Variants in FSIP1 observed in about 807,000 individuals in gnomAD.
FSIP1 encodes fibrous sheath interacting protein 1, also known as fibrous sheath-interacting protein 1.
A neutral mutation model predicts 60.9 loss-of-function variants in FSIP1; 65 were observed. That is an observed-to-expected ratio of 1.07 (90% confidence interval 0.87 to 1.31). The LOEUF (loss-of-function observed/expected upper bound fraction) is 1.31. Ranked by LOEUF, FSIP1 falls within the 40% of genes most tolerant of loss-of-function variation. The probability of loss-of-function intolerance (pLI) is 0.00; values close to 1 mark genes in which losing one functional copy is unlikely to be tolerated. For missense variants in FSIP1, 675 were observed against 665.5 expected (o/e 1.01, Z -0.16); for synonymous variants, 209 against 221.2 (o/e 0.94, Z 0.49).
chr15:39,770,384 C>T, intron 3 of FSIP1, 43 bp downstream of exon 3: 3 of 1,343,638 alleles, frequency 2.2e-6, no homozygotes, highest in Non-Finnish European at 3.0e-6. Context: ...TAATCATTAA[C>T]ATTTGTAATT....
intron 10 of FSIP1, among the ~76,000 whole-genome samples, chr15:39,694,710 A>G (rs2631715): frequency 0.82 from 123,781 of 151,860 alleles, 50,894 homozygotes; most frequent in Non-Finnish European, 0.87. Context: ...CGAGGCAGGA[A>G]AATCGCTTAA....
intron 2 of FSIP1, among the ~76,000 whole-genome samples, chr15:39,774,376 G>A (rs1040200746): frequency 6.6e-5 from 10 of 151,974 alleles, no homozygotes; most frequent in Non-Finnish European, 8.8e-5. Flanking sequence ...CCGGCTATTC[G>A]GGAGGCTGAC....
At chr15:39,701,586 A>G (rs1004663317) in intron 10 of FSIP1, among the ~76,000 whole-genome samples, 7 of 152,222 alleles carry the variant, frequency 4.6e-5, no homozygotes, top group Non-Finnish European at 8.8e-5. Flanking sequence ...GGATCAAGGA[A>G]GGTCTAACTC....
At chr15:39,776,570 G>A (rs370273261) in intron 1 of FSIP1, 39 bp from the exon 2 acceptor site, 181 of 1,505,230 alleles carry the variant, frequency 1.2e-4, no homozygotes, top group Middle Eastern at 1.8e-4. Flanking sequence ...CAAGCGACTC[G>A]GATATTTAAA....
intron 9 of FSIP1, among the ~76,000 whole-genome samples, chr15:39,718,873 C>A (rs77555977): frequency 0.02 from 3,017 of 152,262 alleles, 35 homozygotes; most frequent in Non-Finnish European, 0.028. Context: ...GAGGTATACA[C>A]CCGAAGGTTG....
intron 7 of FSIP1, among the ~76,000 whole-genome samples, 168 bp downstream of exon 7, chr15:39,739,497 A>G (rs974841064): frequency 6.6e-6 from 1 of 152,226 alleles, no homozygotes; most frequent in African/African-American, 2.4e-5. Flanking sequence ...GAACATAGAA[A>G]TAATGAAGTA....
chr15:39,606,215 A>G (rs1283029803), intron 11 of FSIP1, among the ~76,000 whole-genome samples: 2 of 152,252 alleles, frequency 1.3e-5, no homozygotes, highest in South Asian at 2.1e-4. Context: ...TGGAACATTC[A>G]ATGGTAAAAC....
chr15:39,765,148 A>ACTGCCACT (rs142030728), intron 4 of FSIP1, among the ~76,000 whole-genome samples: 1 of 150,712 alleles, frequency 6.6e-6, no homozygotes, highest in Non-Finnish European at 1.5e-5. Context: ...TATACATACC[A>ACTGCCACT]CTGCCACTAC....
Position 39,660,176 on chromosome 15 carries a change from C to T in FSIP1, c.1189-41931G>A, listed in dbSNP as rs144026657. On this transcript the variant is annotated intron_variant, in intron 10 of 11. Coordinates refer to ENST00000350221, the MANE Select transcript of FSIP1 (RefSeq NM_152597.5). ...AAGTAAAACGTAGCACACTGTTGCC[C>T]GTAGTTTCAACCAGTGGATTAGCAG... is the stretch of plus-strand genomic sequence containing the variant. 1.1e-3 allele frequency among the ~76,000 whole-genome samples: 175 copies of T among 152,228 alleles called. 1 individual carries two copies. The highest frequency in any genetic ancestry group is 2.2e-3 in the Non-Finnish European group (149 of 68,002).
intron 9 of FSIP1, among the ~76,000 whole-genome samples, chr15:39,714,042 G>C (rs1356247635): frequency 2.0e-5 from 3 of 152,170 alleles, no homozygotes; most frequent in Non-Finnish European, 4.4e-5. Context: ...TGCCCTGCCT[G>C]GTTCCTGACT....
At chr15:39,739,820 T>C in intron 6 of FSIP1, 31 bp from the exon 7 acceptor site, 1 of 1,389,612 alleles carries the variant, frequency 7.2e-7, no homozygotes, top group South Asian at 1.3e-5. Context: ...AATTTTTTCA[T>C]AATTAAAAGT....
At chr15:39,715,494 C>T (rs183910795) in intron 9 of FSIP1, among the ~76,000 whole-genome samples, 237 of 152,162 alleles carry the variant, frequency 1.6e-3, no homozygotes, top group African/African-American at 5.5e-3. Flanking sequence ...TTTGGGTTTT[C>T]GAAACTTTCA....
At chr15:39,779,289 A>C (rs1040633110) in intron 1 of FSIP1, among the ~76,000 whole-genome samples, 2 of 149,734 alleles carry the variant, frequency 1.3e-5, no homozygotes, top group Non-Finnish European at 3.0e-5. Context: ...TTATTAAAGG[A>C]ATATACACAA....
intron 11 of FSIP1, among the ~76,000 whole-genome samples, chr15:39,614,339 T>TA (rs1278203371): frequency 3.3e-5 from 5 of 151,640 alleles, no homozygotes; most frequent in Non-Finnish European, 5.9e-5. Context: ...TTGTCTCTAA[T>TA]AAAAAAAATT....
chr15:39,746,008 AT>A (rs1313562047), intron 5 of FSIP1, among the ~76,000 whole-genome samples: 1 of 152,110 alleles, frequency 6.6e-6, no homozygotes, highest in Non-Finnish European at 1.5e-5. Flanking sequence ...GAGCCCAGGA[AT>A]TCGAGGTGGC....
chr15:39,770,535 T>C lies in FSIP1; in HGVS notation c.202A>G (p.Ser68Gly), dbSNP rs933585506. Residue 68 changes from serine (S) to glycine (G), a missense_variant, in exon 3 of 12, where the codon AGT (serine) becomes GGT (glycine). By Grantham distance (56) the Ser-to-Gly change is moderately conservative (BLOSUM62 0). Coordinates refer to ENST00000350221, the MANE Select transcript of FSIP1 (RefSeq NM_152597.5). ...ESSNTENRRT[S>G]NDDKQESCSE... is the part of the protein sequence containing the mutation. Reference sequence around the variant, plus strand: ...CAGCTTTCCTGCTTATCATCATTACTAGTTCTTCTGTTCTCTGTATTACTG... The same window carrying C: ...CAGCTTTCCTGCTTATCATCATTACCAGTTCTTCTGTTCTCTGTATTACTG... The C allele has an allele frequency of 6.2e-7, 1 of 1,611,464 alleles. No individual in the cohort carries two copies. The highest frequency in any genetic ancestry group is 8.5e-7 in the Non-Finnish European group (1 of 1,179,412).
downstream of FSIP1, chr15:39,598,899 GCTCT>G (rs895129874): frequency 1.3e-5 from 2 of 151,512 alleles, no homozygotes; most frequent in Non-Finnish European, 2.9e-5. Context: ...AAATAAATTG[GCTCT>G]CTCTCTCTTC....
intron 4 of FSIP1, among the ~76,000 whole-genome samples, chr15:39,765,050 G>A (rs186886689): frequency 4.1e-4 from 62 of 152,134 alleles, no homozygotes; most frequent in African/African-American, 1.3e-3. Context: ...ACACGCCAGC[G>A]CAGTGCTTGA....
In FSIP1 at chr15:39,770,374, T is replaced by C. The variant is rs1338161544; in HGVS notation, c.310+53A>G. On this transcript the variant is annotated intron_variant, in intron 3 of 11. Coordinates refer to ENST00000350221, the MANE Select transcript of FSIP1 (RefSeq NM_152597.5). ...AACACCTTAAATATAACATTTGTAA[T>C]AATCATTAACATTTGTAATTATCAT... 2.3e-6 allele frequency: 3 copies of C among 1,304,868 alleles called. No individual in the cohort carries two copies. The African/African-American group carries it at 4.5e-5, about 19-fold the overall frequency. 80.8% of individuals were successfully genotyped at this position (1,304,868 alleles called of 1,614,324 possible).
Sources: gnomAD v4.1 joint callset for allele counts (sites outside exome capture counted in the v4.1 genomes callset) on GRCh38, gnomAD v4.1.1 for gene constraint, MANE v1.5 for transcripts, NCBI Gene and HGNC (gene_info 2026-07-23, HGNC 2026-07-21) for gene names.